The following RNF180 variants were observed in gnomAD, a reference collection of about 807,000 sequenced individuals.
RNF180 encodes the protein E3 ubiquitin-protein ligase RNF180.
RNF180 carries 38 observed loss-of-function variants against 59.2 expected under a neutral mutation model. The observed-to-expected ratio is 0.64, with a 90% confidence interval of 0.50 to 0.84. The LOEUF (loss-of-function observed/expected upper bound fraction) is 0.84, where lower values mean the gene tolerates loss of function less well. Among genes scored for constraint, RNF180 ranks in the 40% least tolerant of loss-of-function variants. The probability of loss-of-function intolerance (pLI) is 0.00; values close to 1 mark genes in which losing one functional copy is unlikely to be tolerated. For synonymous variants in RNF180, 262 were observed against 240.3 expected (o/e 1.09, Z -0.84); for missense variants, 705 against 700.9 (o/e 1.01, Z -0.07).
chr5:64,173,207 G>A (rs1750036984), intron 1 of RNF180, among the ~76,000 whole-genome samples: 1 of 152,044 alleles, frequency 6.6e-6, no homozygotes, highest in Non-Finnish European at 1.5e-5. Flanking sequence ...TGAATTCCCA[G>A]CCAAAGTAGA....
intron 7 of RNF180, among the ~76,000 whole-genome samples, chr5:64,367,940 T>C (rs1229794394): frequency 6.6e-6 from 1 of 151,704 alleles, no homozygotes; most frequent in African/African-American, 2.4e-5. Context: ...GAATTTTGTT[T>C]TTTAAATGAC....
intron 5 of RNF180, among the ~76,000 whole-genome samples, chr5:64,287,059 C>CA (rs1180502332): frequency 6.6e-6 from 1 of 152,140 alleles, no homozygotes; most frequent in Non-Finnish European, 1.5e-5. Context: ...CTCCACCTCC[C>CA]AGCCTCAAGC....
chr5:64,344,470 A>T (rs1222057187), intron 7 of RNF180, among the ~76,000 whole-genome samples: 1 of 152,202 alleles, frequency 6.6e-6, no homozygotes, highest in South Asian at 2.1e-4. Flanking sequence ...CAAGAAATAG[A>T]AATAAATCTA....
At chr5:64,218,323 A>G (rs966523040) in intron 5 of RNF180, among the ~76,000 whole-genome samples, 1 of 152,170 alleles carries the variant, frequency 6.6e-6, no homozygotes, top group African/African-American at 2.4e-5. Context: ...CTTAAGGGGT[A>G]TATTATTTTA....
intron 1 of RNF180, among the ~76,000 whole-genome samples, chr5:64,187,377 G>A (rs1750924059): frequency 6.6e-6 from 1 of 152,148 alleles, no homozygotes. Flanking sequence ...GTAGAAATAA[G>A]GAAGGTGAGA....
At chr5:64,227,068 C>T (rs1741812452) in intron 5 of RNF180, among the ~76,000 whole-genome samples, 1 of 152,174 alleles carries the variant, frequency 6.6e-6, no homozygotes, top group Non-Finnish European at 1.5e-5. Context: ...GAAGGGCAGA[C>T]ACTCACGAGA....
At chr5:64,223,832 A>T (rs1169150471) in intron 5 of RNF180, among the ~76,000 whole-genome samples, 3 of 152,186 alleles carry the variant, frequency 2.0e-5, no homozygotes, top group African/African-American at 7.2e-5. Flanking sequence ...TGAATGAAAT[A>T]TCATCGCTTC....
At chr5:64,192,208 G>T (rs773034752) in intron 1 of RNF180, among the ~76,000 whole-genome samples, 1 of 151,350 alleles carries the variant, frequency 6.6e-6, no homozygotes, top group Non-Finnish European at 1.5e-5. Flanking sequence ...CTAGATACAT[G>T]AAAGGGTTCT....
At chr5:64,279,106 C>A (rs963081507) in intron 5 of RNF180, among the ~76,000 whole-genome samples, 8 of 152,034 alleles carry the variant, frequency 5.3e-5, no homozygotes, top group Non-Finnish European at 1.2e-4. Context: ...TATAACATAC[C>A]AACATTTAAT....
intron 1 of RNF180, among the ~76,000 whole-genome samples, chr5:64,197,640 T>C (rs1291029894): frequency 6.6e-6 from 1 of 152,112 alleles, no homozygotes; most frequent in Admixed American, 6.5e-5. Flanking sequence ...ATATTCTTTG[T>C]GGGAAAAAAT....
chr5:64,362,090 ATTT>A (rs1162004269), intron 7 of RNF180, among the ~76,000 whole-genome samples: 1 of 151,482 alleles, frequency 6.6e-6, no homozygotes, highest in Non-Finnish European at 1.5e-5. Flanking sequence ...GATTAAAATA[ATTT>A]TTTAACTTTT....
At chr5:64,178,014 A>G (rs114893608) in intron 1 of RNF180, among the ~76,000 whole-genome samples, 15,522 of 151,876 alleles carry the variant, frequency 0.1, 899 homozygotes, top group South Asian at 0.17. Context: ...GACCATCCTG[A>G]CTGACATAGT....
intron 6 of RNF180, among the ~76,000 whole-genome samples, chr5:64,329,411 C>T (rs946531708): frequency 6.6e-6 from 1 of 151,678 alleles, no homozygotes; most frequent in Non-Finnish European, 1.5e-5. Flanking sequence ...GAAACTTTTC[C>T]ACCTCAGATT....
chr5:64,184,831 A>AG (rs1294779162), intron 1 of RNF180, among the ~76,000 whole-genome samples: 6 of 152,168 alleles, frequency 3.9e-5, no homozygotes, highest in Non-Finnish European at 5.9e-5. Flanking sequence ...GAAATGAATG[A>AG]GAGTTAATAT....
intron 5 of RNF180, among the ~76,000 whole-genome samples, chr5:64,288,109 T>C (rs1742381213): frequency 6.6e-6 from 1 of 152,198 alleles, no homozygotes; most frequent in Non-Finnish European, 1.5e-5. Flanking sequence ...CAGTTTCAGT[T>C]TTCTGCATAT....
rs749054709 is a variant in RNF180, at chr5:64,200,809, TGAAAA to T, written c.6_10del (p.Arg3_?4). ...AAAAATGCACTAATGTTTCCGCAGA[TGAAAA>T]GAAGCAAAGAATTGATAACTAAAAA... On this transcript the variant is annotated frameshift_variant and start_lost and splice_region_variant, in exon 2 of 8. Transcript: ENST00000389100. LOFTEE classifies it high-confidence loss of function. 1 of 1,611,406 alleles carries T rather than the reference TGAAAA, an allele frequency of 6.2e-7. No homozygotes were observed. Among genetic ancestry groups the T allele is most frequent in the Non-Finnish European group, 8.5e-7 (1 of 1,178,404 alleles).
chr5:64,280,291 T>G (rs1741942355), intron 5 of RNF180, among the ~76,000 whole-genome samples: 1 of 152,208 alleles, frequency 6.6e-6, no homozygotes, highest in Non-Finnish European at 1.5e-5. Context: ...GATTGTTTTT[T>G]TGGCTGTGCA....
At chr5:64,279,978 A>G (rs181373777) in intron 5 of RNF180, among the ~76,000 whole-genome samples, 158 of 152,318 alleles carry the variant, frequency 1.0e-3, no homozygotes, top group African/African-American at 3.7e-3. Context: ...CTGTAGTCCC[A>G]GATACGTAGG....
intron 4 of RNF180, among the ~76,000 whole-genome samples, chr5:64,215,258 T>C (rs1580021825): frequency 6.6e-6 from 1 of 152,192 alleles, no homozygotes; most frequent in South Asian, 2.1e-4. Context: ...GAATAAACTT[T>C]TTTTTTTGCA....
Sources: gnomAD v4.1 joint callset for allele counts (sites outside exome capture counted in the v4.1 genomes callset) on GRCh38, gnomAD v4.1.1 for gene constraint, MANE v1.5 for transcripts, NCBI Gene and HGNC (gene_info 2026-07-23, HGNC 2026-07-21) for gene names.